The following ATPAF1 variants were observed in gnomAD, a reference collection of about 807,000 sequenced individuals.
ATPAF1 encodes the protein homolog of yeast ATP11.
In ATPAF1, 26 loss-of-function variants were observed where a neutral mutation model predicts 43.9. That is an observed-to-expected ratio of 0.59 (90% confidence interval 0.43 to 0.82). The LOEUF (loss-of-function observed/expected upper bound fraction) is 0.82. Ranked by LOEUF, ATPAF1 falls within the 40% of genes least tolerant of loss-of-function variation. The pLI is 0.00. For synonymous variants in ATPAF1, 157 were observed against 168.0 expected (o/e 0.93, Z 0.50); for missense variants, 366 against 435.0 (o/e 0.84, Z 1.41).
intron 5 of ATPAF1, 95 bp from the exon 6 acceptor site, chr1:46,652,723 T>A: frequency 1.9e-6 from 2 of 1,038,098 alleles, no homozygotes; most frequent in Non-Finnish European, 2.9e-6. Flanking sequence ...TCTAGAATTA[T>A]AATACAACTA....
chr1:46,651,314 A>G (rs1166837823), intron 6 of ATPAF1, among the ~76,000 whole-genome samples: 3 of 151,068 alleles, frequency 2.0e-5, no homozygotes, highest in Admixed American at 2.0e-4. Context: ...CCATGTCCCT[A>G]CAAAGGACAT....
At chr1:46,636,763 A>T (rs1420296226) in intron 8 of ATPAF1, among the ~76,000 whole-genome samples, 1 of 152,024 alleles carries the variant, frequency 6.6e-6, no homozygotes, top group Non-Finnish European at 1.5e-5. Flanking sequence ...AAAAATGAAA[A>T]ATGATGGAGA....
chr1:46,647,852 T>C (rs2148818624), intron 6 of ATPAF1, among the ~76,000 whole-genome samples: 1 of 152,380 alleles, frequency 6.6e-6, no homozygotes, highest in African/African-American at 2.4e-5. Context: ...TTAGTCATTC[T>C]AATGGTATCT....
downstream of ATPAF1, chr1:46,632,990 G>A (rs1402029941): frequency 6.6e-6 from 1 of 152,632 alleles, no homozygotes; most frequent in Admixed American, 6.5e-5. Flanking sequence ...AGAAAGACCT[G>A]GCAATGTACA....
chr1:46,649,157 CA>C (rs35432914), intron 6 of ATPAF1, among the ~76,000 whole-genome samples: 39,507 of 104,586 alleles, frequency 0.38, 6,441 homozygotes, highest in Middle Eastern at 0.51. Flanking sequence ...AGCTCCGTCT[CA>C]AAAAAAAAAA....
intron 4 of ATPAF1, among the ~76,000 whole-genome samples, chr1:46,654,394 T>C (rs2148822023): frequency 6.6e-6 from 1 of 152,298 alleles, no homozygotes; most frequent in South Asian, 2.1e-4. Context: ...TGAAATAATG[T>C]AGGTCTGTGC....
chr1:46,668,263 G>A lies in ATPAF1; in HGVS notation c.60C>T (p.Ala20=). Residue 20 remains alanine, a synonymous_variant, in exon 1 of 9, where the codon GCC becomes GCT. Transcript: ENST00000574428. This position sits in a 1 kb window ranked among gnomAD's most constrained non-coding sequence, Gnocchi z 4.4. ...CCGCGCACAGGCCCCGGTAGAGACC[G>A]GCCACCTGCAGGACCGCCGGTCCCG... 3 of 1,389,736 alleles carry A rather than the reference G, an allele frequency of 2.2e-6. No homozygotes were observed. The highest frequency in any genetic ancestry group is 2.8e-6 in the Non-Finnish European group (3 of 1,068,194). The allele number at this position is 1,389,736 out of a possible 1,614,324, so 86.1% of individuals were successfully genotyped here.
intron 1 of ATPAF1, 81 bp downstream of exon 1, chr1:46,667,976 A>T: frequency 8.6e-7 from 1 of 1,166,024 alleles, no homozygotes. Context: ...TGCCCACCTC[A>T]CAGGGCTGTC....
In ATPAF1 at chr1:46,647,315, C is replaced by A. The variant is rs180793025; in HGVS notation, c.589-2059G>T. On this transcript the variant is annotated intron_variant, in intron 6 of 8. Coordinates refer to ENST00000574428, the Ensembl canonical transcript of ATPAF1. ...AATACGACATTCCCGTCTGTAAGTT[C>A]CCCCAATAAATCATCCCATACCCAC... 3.9e-4 allele frequency among the ~76,000 whole-genome samples: 60 copies of A among 152,272 alleles called. 1 individual carries two copies. In the East Asian group the frequency reaches 5.8e-3, roughly 15 times the overall value.
rs181037621 is a variant in ATPAF1, at chr1:46,664,675, A to T, written c.375+581T>A. On this transcript the variant is annotated intron_variant, in intron 2 of 8. Coordinates refer to ENST00000574428, the Ensembl canonical transcript of ATPAF1. ...TTGGCAGGGTTGGCTGGTTGTCAGGAAACTAAATCTAGTCTGCCAAATATT... is the reference window on the plus strand; with the variant it reads ...TTGGCAGGGTTGGCTGGTTGTCAGGTAACTAAATCTAGTCTGCCAAATATT... 2.0e-5 allele frequency: 3 copies of T among 152,476 alleles called. No homozygotes were observed. In the East Asian group the frequency reaches 5.8e-4, roughly 29 times the overall value. 9.4% of individuals were successfully genotyped at this position (152,476 alleles called of 1,614,324 possible). A position where few individuals can be genotyped will look rare whatever the true frequency, so the allele number is the denominator to read the frequency against.
At chr1:46,633,871 C>T (rs1675792140), downstream of ATPAF1, 1 of 455,246 alleles carries the variant, frequency 2.2e-6, no homozygotes. Context: ...ATAAAAACAA[C>T]CCCATCTGAT....
intron 2 of ATPAF1, among the ~76,000 whole-genome samples, chr1:46,660,963 T>A (rs1232448821): frequency 2.0e-5 from 3 of 150,602 alleles, no homozygotes; most frequent in Non-Finnish European, 4.4e-5. Flanking sequence ...CTTTTTTTTT[T>A]AAACACTGCT....
chr1:46,657,448 T>A (rs1442628614), intron 4 of ATPAF1, among the ~76,000 whole-genome samples: 1 of 152,142 alleles, frequency 6.6e-6, no homozygotes, highest in African/African-American at 2.4e-5. Flanking sequence ...AGAAAAGGAA[T>A]ACAGGAAGTC....
intron 1 of ATPAF1, among the ~76,000 whole-genome samples, chr1:46,666,778 G>T (rs1192576014): frequency 1.3e-5 from 2 of 152,222 alleles, no homozygotes; most frequent in Non-Finnish European, 2.9e-5. Context: ...GAGTTTGGAT[G>T]TTATTTAGAG....
chr1:46,646,237 G>C (rs556382944), intron 6 of ATPAF1, among the ~76,000 whole-genome samples: 1 of 152,266 alleles, frequency 6.6e-6, no homozygotes, highest in East Asian at 1.9e-4. Flanking sequence ...TTACTTCATA[G>C]TATGCTTCTG....
chr1:46,654,530 T>A (rs1298249661), intron 4 of ATPAF1, among the ~76,000 whole-genome samples: 1 of 138,224 alleles, frequency 7.2e-6, no homozygotes, highest in East Asian at 2.0e-4. Flanking sequence ...TTTATTTATT[T>A]ATTATTATTA....
At chr1:46,636,745 G>A (rs1569587555) in intron 8 of ATPAF1, among the ~76,000 whole-genome samples, 1 of 150,922 alleles carries the variant, frequency 6.6e-6, no homozygotes, top group South Asian at 2.1e-4. Flanking sequence ...AAAAAAAAAA[G>A]ACTATGAAAA....
intron 8 of ATPAF1, among the ~76,000 whole-genome samples, chr1:46,639,906 G>C (rs1675919134): frequency 6.6e-6 from 1 of 152,234 alleles, no homozygotes; most frequent in Non-Finnish European, 1.5e-5. Context: ...GAGTGAGGTG[G>C]TAAAAATGGC....
intron 1 of ATPAF1, 147 bp from the exon 2 acceptor site, chr1:46,665,511 AG>A: frequency 1.7e-6 from 2 of 1,176,076 alleles, no homozygotes; most frequent in Non-Finnish European, 2.4e-6. Flanking sequence ...AACTGGGCAC[AG>A]GCCTAGAAAT....
Sources: gnomAD v4.1 joint callset for allele counts (sites outside exome capture counted in the v4.1 genomes callset) on GRCh38, gnomAD v4.1.1 for gene constraint, Gnocchi (gnomAD v3.1) non-coding constraint, MANE v1.5 for transcripts, NCBI Gene and HGNC (gene_info 2026-07-23, HGNC 2026-07-21) for gene names.